ARHGDIB: variants seen among roughly 807,000 people sequenced by gnomAD.
The protein encoded by ARHGDIB is Rho GDP dissociation inhibitor beta.
Under a neutral mutation model 22.6 loss-of-function variants are expected in ARHGDIB, and 20 were observed. The observed-to-expected ratio is 0.88, with a 90% CI of 0.62 to 1.28. ARHGDIB has a LOEUF of 1.28. Among genes scored for constraint, ARHGDIB ranks in the 50% most tolerant of loss-of-function variants. ARHGDIB has a pLI of 0.00. For synonymous variants in ARHGDIB, 114 were observed against 96.1 expected, an observed-to-expected ratio of 1.19 and a Z score of -1.09; for missense variants, 254 against 245.4, an observed-to-expected ratio of 1.04 and a Z score of -0.23.
At chr12:14,957,718 A>G (rs1358609936) in intron 1 of ARHGDIB, among the ~76,000 whole-genome samples, 2 of 152,164 alleles carry the variant, frequency 1.3e-5, no homozygotes, top group Non-Finnish European at 2.9e-5. Context: ...AATACCACAG[A>G]GACTTAACTC....
intron 1 of ARHGDIB, among the ~76,000 whole-genome samples, chr12:14,951,910 C>T (rs1044094750): frequency 6.6e-6 from 1 of 151,910 alleles, no homozygotes; most frequent in Non-Finnish European, 1.5e-5. Context: ...AGGCAGTATA[C>T]TAACCAAGAG....
chr12:14,950,633 G>T lies in ARHGDIB; in HGVS notation c.80C>A (p.Pro27Gln). The change falls in exon 2 of 6, where the codon CCA (proline) becomes CAA (glutamine). Residue 27 changes from proline (P) to glutamine (Q), a missense_variant. Transcript: ENST00000228945. Reference protein sequence around the residue: ...ELDSKLNYKPPPQKSLKELQE... With the variant: ...ELDSKLNYKPQPQKSLKELQE... ...CAGCTCTTTCAGGGACTTCTGTGGT[G>T]GAGGCTTATAATTGAGCTTGCTGTC... The T allele has an allele frequency of 6.2e-7, 1 of 1,613,970 alleles. No homozygotes were observed. Among genetic ancestry groups the T allele is most frequent in the Admixed American group, 1.7e-5 (1 of 60,012 alleles).
chr12:14,956,319 C>T (rs1864300306), intron 1 of ARHGDIB: 1 of 152,182 alleles, frequency 6.6e-6, no homozygotes, highest in African/African-American at 2.4e-5. Context: ...CCTCACTGGG[C>T]CCCAGTTTCA....
chr12:14,956,464 G>C (rs2120754669), intron 1 of ARHGDIB: 1 of 152,276 alleles, frequency 6.6e-6, no homozygotes, highest in Non-Finnish European at 1.5e-5. Flanking sequence ...AGATTGGGGA[G>C]GACTCAGCCC....
chr12:14,947,066 G>T (rs1248562378), intron 4 of ARHGDIB, among the ~76,000 whole-genome samples: 3 of 152,194 alleles, frequency 2.0e-5, no homozygotes, highest in African/African-American at 4.8e-5. Flanking sequence ...TTCCCAGTGT[G>T]CAAATAGAGA....
At chr12:14,944,040 CT>C (rs1334822879) in intron 5 of ARHGDIB, among the ~76,000 whole-genome samples, 2 of 151,964 alleles carry the variant, frequency 1.3e-5, no homozygotes, top group Admixed American at 6.6e-5. Context: ...AATTTCTCCC[CT>C]ATCTTGCTTA....
At chr12:14,955,370 A>G (rs1864277716) in intron 1 of ARHGDIB, among the ~76,000 whole-genome samples, 1 of 152,364 alleles carries the variant, frequency 6.6e-6, no homozygotes, top group South Asian at 2.1e-4. Context: ...TCTAAAAATG[A>G]GACATTCGCA....
intron 3 of ARHGDIB, 61 bp downstream of exon 3, chr12:14,949,741 G>A: frequency 6.6e-7 from 1 of 1,512,046 alleles, no homozygotes; most frequent in Non-Finnish European, 9.2e-7. Flanking sequence ...AGGAGACAGA[G>A]ACCAAGTTTT....
At chr12:14,957,485 A>G (rs891209463) in intron 1 of ARHGDIB, among the ~76,000 whole-genome samples, 1 of 152,358 alleles carries the variant, frequency 6.6e-6, no homozygotes, top group Non-Finnish European at 1.5e-5. Context: ...TTAAAGAGAT[A>G]AGAAGTTCTG....
At position 14,942,772 on chromosome 12, in the gene ARHGDIB, A is replaced by C. The variant is rs753423402; in HGVS notation, c.407-51T>G. 2.4e-5 allele frequency: 36 copies of C among 1,526,228 alleles called. No individual in the cohort carries two copies. The South Asian group carries it at 3.9e-4, about 17-fold the overall frequency. The allele number at this position is 1,526,228 out of a possible 1,614,324, so 94.5% of individuals were successfully genotyped here. A position where few individuals can be genotyped will look rare whatever the true frequency, so the allele number is the denominator to read the frequency against. On this transcript the variant is annotated intron_variant, in intron 5 of 5. Coordinates refer to ENST00000228945, the MANE Select transcript of ARHGDIB (RefSeq NM_001175.7). ...GGTAAGAGCCTGATAGAGGAAAAAC[A>C]TACACTGCAAACTGGAGAATCTGGA...
rs544146012 is a variant in ARHGDIB at position 14,942,065 on chromosome 12, G to A, written c.*457C>T. ...TGTTTTATTCTTGTTCTCTTGTGTC[G>A]TTTACAGTGTCTCTCACAAAAGAAG... On this transcript the variant is annotated 3_prime_UTR_variant, in exon 6 of 6. Transcript: ENST00000228945. 8.6e-5 allele frequency: 15 copies of A among 174,490 alleles called. No individual in the cohort carries two copies. The highest frequency in any genetic ancestry group is 1.7e-4 in the Admixed American group (3 of 17,858). 10.8% of individuals were successfully genotyped at this position (174,490 alleles called of 1,614,324 possible).
chr12:14,943,423 A>G (rs1272537592), intron 5 of ARHGDIB, among the ~76,000 whole-genome samples: 1 of 149,250 alleles, frequency 6.7e-6, no homozygotes, highest in Non-Finnish European at 1.5e-5. Flanking sequence ...ATGGAGATAT[A>G]GCAGATTACA....
chr12:14,947,702 G>A, intron 4 of ARHGDIB, 171 bp downstream of exon 4: 1 of 585,512 alleles, frequency 1.7e-6, no homozygotes, highest in Non-Finnish European at 3.0e-6. Flanking sequence ...AGGCAAACGT[G>A]GGTCTCAACA....
rs762998239 is a variant in ARHGDIB, at chr12:14,944,793, T to C, written c.389A>G (p.Tyr130Cys). The change falls in exon 5 of 6, where the codon TAC becomes TGC. Residue 130 changes from tyrosine to cysteine, a missense_variant. Physicochemically the swap from Tyr to Cys is radical, Grantham distance 194 (BLOSUM62 -2). Transcript: ENST00000228945. The stretch of plus-strand genomic sequence containing the variant: ...TCCCTTACCTTTCACCCCAGTCCTG[T>C]AGGTGTGCTGAACGTATTTCAGGCC... ...VSGLKYVQHT[Y>C]RTGVKVDKAT... 6.2e-7 allele frequency: 1 copy of C among 1,613,668 alleles called. No individual in the cohort carries two copies. Among genetic ancestry groups the C allele is most frequent in the Non-Finnish European group, 8.5e-7 (1 of 1,179,724 alleles).
chr12:14,950,740 A>G lies in ARHGDIB; in HGVS notation c.-12-16T>C. 1 of 1,570,302 alleles carries G rather than the reference A, an allele frequency of 6.4e-7. No individual in the cohort carries two copies. The highest frequency in any genetic ancestry group is 8.6e-7 in the Non-Finnish European group (1 of 1,162,858). On this transcript the variant is annotated splice_polypyrimidine_tract_variant and intron_variant, in intron 1 of 5. Transcript: ENST00000228945. ...TGATCTATTTCTGGGAGACAGAATG[A>G]CAGCCCGTTAGTCAACAAGTCATGA...
At chr12:14,951,712 G>A (rs1864179828) in intron 1 of ARHGDIB, among the ~76,000 whole-genome samples, 1 of 150,238 alleles carries the variant, frequency 6.7e-6, no homozygotes, top group African/African-American at 2.4e-5. Flanking sequence ...ACATTGAGGA[G>A]AAATCTAGGC....
intron 1 of ARHGDIB, among the ~76,000 whole-genome samples, chr12:14,960,275 C>A (rs1249444324): frequency 1.3e-5 from 2 of 152,156 alleles, no homozygotes; most frequent in African/African-American, 4.8e-5. Flanking sequence ...GTTTATGAAA[C>A]ATGCTGGCTG....
chr12:14,942,563 A>AGCTGAG lies in ARHGDIB; in HGVS notation c.559_564dup (p.Leu187_Ser188dup), dbSNP rs1863890859. 2 of 1,614,136 alleles carry AGCTGAG rather than the reference A, an allele frequency of 1.2e-6. No individual in the cohort carries two copies. The highest frequency in any genetic ancestry group is 1.7e-6 in the Non-Finnish European group (2 of 1,180,024). On this transcript the variant is annotated inframe_insertion, in exon 6 of 6. Transcript: ENST00000228945. ...TTCTTAATCGACAGGTTCCACTCCC[A>AGCTGAG]GCTGAGGTGGTCTTGCTTGTCATCG...
chr12:14,958,174 A>G (rs1461087363), intron 1 of ARHGDIB, among the ~76,000 whole-genome samples: 1 of 152,058 alleles, frequency 6.6e-6, no homozygotes, highest in Admixed American at 6.5e-5. Flanking sequence ...GGGATTGCAA[A>G]TTTGTCTCTC....
Sources: allele counts gnomAD v4.1 joint callset (sites outside exome capture counted in the v4.1 genomes callset), GRCh38; gene constraint gnomAD v4.1.1; transcripts MANE v1.5; gene names NCBI Gene and HGNC (gene_info 2026-07-23, HGNC 2026-07-21).